Variants in MAGI1 observed in about 807,000 individuals in gnomAD.
MAGI1 encodes membrane-associated guanylate kinase, WW and PDZ domain-containing protein 1.
Under a neutral mutation model 139.9 loss-of-function variants are expected in MAGI1, and 58 were observed. The ratio of observed to expected loss-of-function variants is 0.41; its 90% CI spans 0.34 to 0.52. The LOEUF is 0.52. MAGI1 is among the 20% of genes least tolerant of loss of function. The pLI, the probability that MAGI1 is intolerant of heterozygous loss-of-function variation, is 0.12. For missense variants in MAGI1, 1,874 were observed against 1,901.6 expected (o/e 0.99, Z 0.27); for synonymous variants, 812 against 737.9 (o/e 1.10, Z -1.63).
intron 2 of MAGI1, among the ~76,000 whole-genome samples, chr3:65,505,801 ATAT>A (rs2077261588): frequency 6.6e-6 from 1 of 151,996 alleles, no homozygotes; most frequent in Non-Finnish European, 1.5e-5. Context: ...AAAGGAGTGA[ATAT>A]TATTATGTAT....
chr3:65,691,234 A>T (rs2088609018), intron 1 of MAGI1, among the ~76,000 whole-genome samples: 1 of 149,572 alleles, frequency 6.7e-6, no homozygotes, highest in African/African-American at 2.5e-5. Flanking sequence ...ACCCGGGAGG[A>T]GGAGGTTGCA....
chr3:66,038,638 C>A lies in MAGI1; in HGVS notation c.-330G>T, dbSNP rs976790893. The A allele has an allele frequency of 1.1e-5, 3 of 283,682 alleles. No individual in the cohort carries two copies. The Admixed American group carries it at 1.5e-4, about 14-fold the overall frequency. 17.6% of individuals were successfully genotyped at this position (283,682 alleles called of 1,614,324 possible). ...CCGCTCGGGTTATTTTTTTTTCCTT[C>A]CTTCCTTTCTCTCTTGCCTTTTACA... On this transcript the variant is annotated 5_prime_UTR_variant, in exon 1 of 23. Transcript: ENST00000402939.
intron 1 of MAGI1, among the ~76,000 whole-genome samples, chr3:65,901,803 C>A (rs374346026): frequency 4.6e-5 from 7 of 152,176 alleles, no homozygotes; most frequent in Non-Finnish European, 7.3e-5. Flanking sequence ...ATGTATACAT[C>A]CCAGAATGCC....
chr3:65,684,484 C>T (rs988586954), intron 1 of MAGI1, among the ~76,000 whole-genome samples: 3 of 151,866 alleles, frequency 2.0e-5, no homozygotes, highest in Admixed American at 6.6e-5. Flanking sequence ...AAATTGAAGA[C>T]GGATTAGTGG....
chr3:65,895,779 G>C (rs752140348), intron 1 of MAGI1, among the ~76,000 whole-genome samples: 16 of 152,152 alleles, frequency 1.1e-4, no homozygotes, highest in Non-Finnish European at 1.8e-4. Context: ...CAATATATTT[G>C]CTTCTAAACA....
At chr3:65,840,489 A>T (rs770538071) in intron 1 of MAGI1, among the ~76,000 whole-genome samples, 7 of 152,218 alleles carry the variant, frequency 4.6e-5, no homozygotes, top group Non-Finnish European at 8.8e-5. Flanking sequence ...ACATTTTATC[A>T]AATAATTTTT....
intron 1 of MAGI1, among the ~76,000 whole-genome samples, chr3:65,656,191 A>C (rs2085865493): frequency 6.6e-6 from 1 of 152,194 alleles, no homozygotes; most frequent in Non-Finnish European, 1.5e-5. Flanking sequence ...GATATCACCA[A>C]GGAAATTCTG....
chr3:65,593,194 T>A (rs943827277), intron 2 of MAGI1, among the ~76,000 whole-genome samples: 1 of 152,152 alleles, frequency 6.6e-6, no homozygotes, highest in Admixed American at 6.5e-5. Flanking sequence ...TTCAGGTCAC[T>A]ATCTATAATC....
rs141586740 is a variant in MAGI1 at position 65,621,987 on chromosome 3, G to A, written c.415C>T (p.Arg139Cys). The A allele has an allele frequency of 1.2e-4, 187 of 1,611,612 alleles. No homozygotes were observed. Among genetic ancestry groups the A allele is most frequent in the Non-Finnish European group, 1.4e-4 (164 of 1,178,250 alleles). The change falls in exon 2 of 23, where the codon CGC (arginine) becomes TGC (cysteine). Residue 139 changes from arginine to cysteine, a missense_variant. Transcript: ENST00000402939. Reference sequence around the variant, plus strand: ...AACTACTTACAAGGCACAGCATGGCGGTAAAGGTTATCCCTTATGGTCTGC... The same window carrying A: ...AACTACTTACAAGGCACAGCATGGCAGTAAAGGTTATCCCTTATGGTCTGC... ...LQQTIRDNLY[R>C]HAVPCTTRSP... is the part of the protein sequence containing the mutation.
At chr3:65,769,631 G>A (rs572389466) in intron 1 of MAGI1, among the ~76,000 whole-genome samples, 100 of 152,238 alleles carry the variant, frequency 6.6e-4, no homozygotes. Flanking sequence ...AAATGAAGAA[G>A]CCATAGCCGG....
chr3:65,773,990 G>A (rs2038171513), intron 1 of MAGI1, among the ~76,000 whole-genome samples: 2 of 151,796 alleles, frequency 1.3e-5, no homozygotes, highest in Admixed American at 1.3e-4. Flanking sequence ...AAATTCCAAA[G>A]GATAAACAGG....
intron 1 of MAGI1, among the ~76,000 whole-genome samples, chr3:65,644,728 TG>T (rs1332571533): frequency 6.6e-5 from 10 of 152,160 alleles, no homozygotes; most frequent in African/African-American, 2.4e-4. Context: ...CCACGCACAG[TG>T]GCTCACGCCT....
intron 1 of MAGI1, among the ~76,000 whole-genome samples, chr3:65,860,588 G>C (rs1157182084): frequency 6.6e-6 from 1 of 152,170 alleles, no homozygotes; most frequent in Non-Finnish European, 1.5e-5. Context: ...GGAGCCATGG[G>C]GATCTGCCAT....
At chr3:65,551,462 G>A (rs765978141) in intron 2 of MAGI1, among the ~76,000 whole-genome samples, 51 of 152,070 alleles carry the variant, frequency 3.4e-4, no homozygotes, top group Non-Finnish European at 4.6e-4. Context: ...CACCGCGCGC[G>A]GCTAATTTTC....
intron 1 of MAGI1, among the ~76,000 whole-genome samples, chr3:65,737,126 T>A (rs980327599): frequency 6.6e-6 from 1 of 152,112 alleles, no homozygotes; most frequent in Non-Finnish European, 1.5e-5. Context: ...TGCCTCAGCC[T>A]CCTGAGTAGC....
intron 2 of MAGI1, among the ~76,000 whole-genome samples, chr3:65,563,066 CT>C (rs2080438420): frequency 6.6e-6 from 1 of 152,148 alleles, no homozygotes; most frequent in African/African-American, 2.4e-5. Flanking sequence ...TTTTTTATGA[CT>C]TCCCTTTATA....
At chr3:65,863,021 T>C (rs1008940157) in intron 1 of MAGI1, among the ~76,000 whole-genome samples, 1 of 152,216 alleles carries the variant, frequency 6.6e-6, no homozygotes, top group Non-Finnish European at 1.5e-5. Context: ...TCCAAGCCCC[T>C]TTCTCACCAT....
chr3:65,626,162 C>A (rs1298290175), intron 1 of MAGI1, among the ~76,000 whole-genome samples: 1 of 152,122 alleles, frequency 6.6e-6, no homozygotes, highest in Non-Finnish European at 1.5e-5. Context: ...ACGGCAAAGA[C>A]GTCTATGATA....
intron 1 of MAGI1, among the ~76,000 whole-genome samples, chr3:65,995,970 G>C (rs1304354991): frequency 2.0e-5 from 3 of 152,068 alleles, no homozygotes; most frequent in Admixed American, 1.3e-4. Context: ...TGTACTCTAG[G>C]CTGGGTGACA....
Sources: allele counts gnomAD v4.1 joint callset (sites outside exome capture counted in the v4.1 genomes callset), GRCh38; gene constraint gnomAD v4.1.1; transcripts MANE v1.5; gene names NCBI Gene and HGNC (gene_info 2026-07-23, HGNC 2026-07-21).